The following TTC28 variants were observed in gnomAD, a reference collection of about 807,000 sequenced individuals.
The protein encoded by TTC28 is tetratricopeptide repeat protein 28.
In TTC28, 61 loss-of-function variants were observed where a neutral mutation model predicts 198.0. The observed-to-expected ratio is 0.31, with a 90% confidence interval of 0.25 to 0.38. The LOEUF is 0.38. Ranked by LOEUF, TTC28 falls within the 10% of genes least tolerant of loss-of-function variation. The pLI is 1.00. For synonymous variants in TTC28, 1,171 were observed against 1,297.8 expected (o/e 0.90, Z 2.10); for missense variants, 2,678 against 3,164.0 (o/e 0.85, Z 3.69).
At chr22:28,526,582 C>G (rs569455318) in intron 2 of TTC28, among the ~76,000 whole-genome samples, 1 of 152,252 alleles carries the variant, frequency 6.6e-6, no homozygotes, top group East Asian at 1.9e-4. Flanking sequence ...CGCCCACAGT[C>G]TTACAGGCCT....
chr22:28,077,709 C>T (rs192103642), intron 12 of TTC28, among the ~76,000 whole-genome samples: 81 of 151,884 alleles, frequency 5.3e-4, no homozygotes, highest in African/African-American at 1.5e-3. Context: ...ATAACTTTCA[C>T]GGTAGAAAAT....
At chr22:28,273,219 T>G (rs1198585863) in intron 5 of TTC28, among the ~76,000 whole-genome samples, 1 of 152,146 alleles carries the variant, frequency 6.6e-6, no homozygotes, top group Non-Finnish European at 1.5e-5. Context: ...ACCATTGAGA[T>G]TCTCCTAACA....
In TTC28 at chr22:28,457,139, C is replaced by G. The variant is rs561924646; in HGVS notation, c.382-150496G>C. ...GTATCTCACAGCACTCTATTCAGAA[C>G]ACCACGGCCCTTGCAGTGTCTTGTT... On this transcript the variant is annotated intron_variant, in intron 2 of 22. Coordinates refer to ENST00000397906, the MANE Select transcript of TTC28 (RefSeq NM_001145418.2). 2.5e-4 allele frequency among the ~76,000 whole-genome samples: 38 copies of G among 152,322 alleles called. 1 individual carries two copies. In the South Asian group the frequency reaches 7.7e-3, roughly 31 times the overall value.
intron 2 of TTC28, among the ~76,000 whole-genome samples, chr22:28,463,763 G>A (rs1169252970): frequency 6.6e-6 from 1 of 151,964 alleles, no homozygotes; most frequent in Non-Finnish European, 1.5e-5. Flanking sequence ...GGCCTGTTGT[G>A]GGGTAGGGGG....
chr22:28,247,757 G>T (rs557551515), intron 5 of TTC28, among the ~76,000 whole-genome samples: 1 of 152,278 alleles, frequency 6.6e-6, no homozygotes, highest in African/African-American at 2.4e-5. Flanking sequence ...CAGAGGTCAA[G>T]AAAAGGCTAA....
intron 2 of TTC28, among the ~76,000 whole-genome samples, 175 bp from the exon 3 acceptor site, chr22:28,306,818 A>G (rs973040237): frequency 1.3e-5 from 2 of 152,244 alleles, no homozygotes; most frequent in Admixed American, 1.3e-4. Context: ...GCATACTTTT[A>G]TCAGGCAACT....
At chr22:28,187,436 A>G (rs1357196987) in intron 5 of TTC28, among the ~76,000 whole-genome samples, 1 of 152,224 alleles carries the variant, frequency 6.6e-6, no homozygotes, top group African/African-American at 2.4e-5. Flanking sequence ...ACAAAATTAA[A>G]CTTCCTGAAC....
intron 2 of TTC28, among the ~76,000 whole-genome samples, chr22:28,507,298 C>T (rs1001688934): frequency 7.2e-5 from 11 of 152,104 alleles, no homozygotes; most frequent in African/African-American, 1.4e-4. Context: ...TAGACCAAGC[C>T]GAGGAAAGAC....
rs1475705180 is a variant in TTC28 at position 27,978,956 on chromosome 22, TAAGGA to T, written c.*3260_*3264del. 1.3e-5 allele frequency: 2 copies of T among 152,110 alleles called. No individual in the cohort carries two copies. Among genetic ancestry groups the T allele is most frequent in the African/African-American group, 4.8e-5 (2 of 41,408 alleles). 9.4% of individuals were successfully genotyped at this position (152,110 alleles called of 1,614,324 possible). ...TATATGCAATGCTTTCTGCAAATGG[TAAGGA>T]AAAAATTGTTTTGTAAATATTACAT... On this transcript the variant is annotated 3_prime_UTR_variant, in exon 23 of 23. Coordinates refer to ENST00000397906, the MANE Select transcript of TTC28 (RefSeq NM_001145418.2).
intron 5 of TTC28, among the ~76,000 whole-genome samples, chr22:28,211,498 C>G (rs1475708092): frequency 6.6e-6 from 1 of 152,070 alleles, no homozygotes; most frequent in Non-Finnish European, 1.5e-5. Flanking sequence ...TCTGATAAAA[C>G]AGACTTTAAA....
At chr22:28,452,144 C>T (rs1483162506) in intron 2 of TTC28, among the ~76,000 whole-genome samples, 1 of 152,020 alleles carries the variant, frequency 6.6e-6, no homozygotes, top group Non-Finnish European at 1.5e-5. Context: ...AATCCCAGCA[C>T]TTTGGGAGGC....
At chr22:28,332,703 C>T (rs1022248473) in intron 2 of TTC28, among the ~76,000 whole-genome samples, 1 of 152,064 alleles carries the variant, frequency 6.6e-6, no homozygotes, top group Non-Finnish European at 1.5e-5. Flanking sequence ...ACTTTATATC[C>T]ACATTTAAAT....
chr22:28,679,512 G>A (rs1444760502), intron 1 of TTC28, 110 bp downstream of exon 1: 5 of 693,266 alleles, frequency 7.2e-6, no homozygotes, highest in Non-Finnish European at 1.1e-5. Flanking sequence ...CCCGGACTGC[G>A]AGACGCCTTC....
At chr22:28,135,471 G>A (rs2146973061) in intron 6 of TTC28, among the ~76,000 whole-genome samples, 1 of 152,312 alleles carries the variant, frequency 6.6e-6, no homozygotes, top group Non-Finnish European at 1.5e-5. Context: ...GCTAGGAGGA[G>A]TTTTAGAAGG....
chr22:28,162,876 G>A, intron 6 of TTC28, among the ~76,000 whole-genome samples: 1 of 152,176 alleles, frequency 6.6e-6, no homozygotes, highest in Non-Finnish European at 1.5e-5. Flanking sequence ...CTGCAGTGAG[G>A]TGTGGTTGTG....
intron 1 of TTC28, among the ~76,000 whole-genome samples, chr22:28,674,238 G>A (rs957546343): frequency 6.3e-5 from 9 of 143,502 alleles, no homozygotes; most frequent in African/African-American, 2.3e-4. Flanking sequence ...GAGGCTTGGG[G>A]TTTCTGTTTG....
chr22:28,417,199 G>A (rs1316437156), intron 2 of TTC28, among the ~76,000 whole-genome samples: 3 of 149,698 alleles, frequency 2.0e-5, no homozygotes, highest in Non-Finnish European at 3.0e-5. Context: ...GACCAGCCTA[G>A]GCAAGAGTAA....
intron 12 of TTC28, among the ~76,000 whole-genome samples, chr22:28,062,388 G>A (rs926762369): frequency 4.9e-5 from 7 of 143,550 alleles, no homozygotes; most frequent in Non-Finnish European, 9.3e-5. Context: ...TTTCTGTTGT[G>A]CCCTGTGGAT....
intron 4 of TTC28, among the ~76,000 whole-genome samples, chr22:28,297,055 T>C (rs371762430): frequency 6.6e-6 from 1 of 152,192 alleles, no homozygotes; most frequent in Admixed American, 6.5e-5. Context: ...ATTTGACATA[T>C]TTTGTAAGCC....
Sources: gnomAD v4.1 joint callset for allele counts (sites outside exome capture counted in the v4.1 genomes callset) on GRCh38, gnomAD v4.1.1 for gene constraint, MANE v1.5 for transcripts, NCBI Gene and HGNC (gene_info 2026-07-23, HGNC 2026-07-21) for gene names.